LINGO2: variants seen among roughly 807,000 people sequenced by gnomAD.
LINGO2 encodes leucine rich repeat and Ig domain containing 2.
Under a neutral mutation model 30.6 loss-of-function variants are expected in LINGO2, and 14 were observed. The ratio of observed to expected loss-of-function variants is 0.46; its 90% CI spans 0.30 to 0.72. LINGO2 has a LOEUF of 0.72. Among genes scored for constraint, LINGO2 ranks in the 30% least tolerant of loss-of-function variants. LINGO2 has a pLI of 0.07. For synonymous variants in LINGO2, 317 were observed against 288.5 expected, an observed-to-expected ratio of 1.10 and a Z score of -1.00; for missense variants, 729 against 751.7, an observed-to-expected ratio of 0.97 and a Z score of 0.35.
intron 3 of LINGO2, among the ~76,000 whole-genome samples, chr9:28,311,216 G>T (rs746792446): frequency 3.3e-5 from 5 of 152,098 alleles, no homozygotes; most frequent in Non-Finnish European, 7.4e-5. Flanking sequence ...GGGTCACAGA[G>T]ATCACATGCT....
chr9:29,199,415 G>C, the LINGO2 span, among the ~76,000 whole-genome samples: 111,285 of 151,976 alleles, frequency 0.73, 41,052 homozygotes, highest in South Asian at 0.81. Context: ...AAAAGAAAGA[G>C]AATCCACCAA....
chr9:28,811,917 C>A, the LINGO2 span, among the ~76,000 whole-genome samples: 1 of 151,930 alleles, frequency 6.6e-6, no homozygotes, highest in Admixed American at 6.6e-5. Context: ...CCTTATTCAC[C>A]CCTAGAACAC....
intron 4 of LINGO2, among the ~76,000 whole-genome samples, chr9:28,232,085 T>C (rs1483856461): frequency 3.3e-5 from 5 of 152,046 alleles, no homozygotes; most frequent in Admixed American, 2.0e-4. Context: ...TTTTTACCCA[T>C]AGAACTTCCC....
intron 1 of LINGO2, among the ~76,000 whole-genome samples, chr9:28,569,954 A>T (rs1823592775): frequency 6.6e-6 from 1 of 151,968 alleles, no homozygotes; most frequent in Admixed American, 6.6e-5. Context: ...AAAGACATAA[A>T]TACAATAATA....
chr9:28,149,104 A>G (rs1278717868), intron 4 of LINGO2: 1 of 1,529,704 alleles, frequency 6.5e-7, no homozygotes, highest in Non-Finnish European at 8.8e-7. Flanking sequence ...AAAGAGAAGG[A>G]CGCCTCCAGC....
chr9:28,224,248 T>A (rs1821068434), intron 4 of LINGO2, among the ~76,000 whole-genome samples: 1 of 152,124 alleles, frequency 6.6e-6, no homozygotes, highest in Admixed American at 6.5e-5. Flanking sequence ...CTATTTTTAG[T>A]AGAGACGGGG....
chr9:28,025,560 T>C (rs1224374948), intron 4 of LINGO2, among the ~76,000 whole-genome samples: 1 of 152,204 alleles, frequency 6.6e-6, no homozygotes, highest in Non-Finnish European at 1.5e-5. Context: ...ACAAGCTTAT[T>C]ATCTGTATCA....
chr9:28,062,500 A>G (rs1400417438), intron 4 of LINGO2, among the ~76,000 whole-genome samples: 3 of 146,436 alleles, frequency 2.0e-5, no homozygotes, highest in Admixed American at 7.0e-5. Flanking sequence ...TATATACTAT[A>G]CATGTATATA....
At chr9:28,296,879 C>A (rs1414640011) in intron 3 of LINGO2, among the ~76,000 whole-genome samples, 2 of 152,180 alleles carry the variant, frequency 1.3e-5, no homozygotes, top group African/African-American at 2.4e-5. Context: ...CTTCTAGATG[C>A]AAACTGTTTT....
chr9:29,134,270 T>A, the LINGO2 span, among the ~76,000 whole-genome samples: 2 of 152,190 alleles, frequency 1.3e-5, no homozygotes, highest in Admixed American at 6.5e-5. Flanking sequence ...CAGGAGACAG[T>A]CAAATAAATA....
At chr9:29,176,400 G>A in the LINGO2 span, among the ~76,000 whole-genome samples, 11 of 152,272 alleles carry the variant, frequency 7.2e-5, no homozygotes, top group African/African-American at 2.6e-4. Flanking sequence ...CAGACACGTG[G>A]TAAGGACATG....
the LINGO2 span, among the ~76,000 whole-genome samples, chr9:29,014,526 GA>G: frequency 6.6e-6 from 1 of 151,654 alleles, no homozygotes. Flanking sequence ...GTGATTGAGA[GA>G]AAAAAAACTT....
chr9:28,179,545 T>TA (rs398010554), intron 4 of LINGO2, among the ~76,000 whole-genome samples: 7 of 133,452 alleles, frequency 5.2e-5, no homozygotes, highest in African/African-American at 1.9e-4. Flanking sequence ...TATAGTTTTT[T>TA]ACTATATATA....
At chr9:29,031,058 A>T in the LINGO2 span, among the ~76,000 whole-genome samples, 3 of 152,134 alleles carry the variant, frequency 2.0e-5, no homozygotes, top group Non-Finnish European at 4.4e-5. Context: ...CAAATCATTT[A>T]TTGATTTATT....
chr9:28,506,477 C>G lies in LINGO2; in HGVS notation c.-364-30452G>C, dbSNP rs370997339. Among the ~76,000 whole-genome samples the G allele has an allele frequency of 5.4e-3, 68 of 12,622 alleles. 1 individual carries two copies. The highest frequency in any genetic ancestry group is 7.8e-3 in the African/African-American group (52 of 6,644). 8.3% of individuals were successfully genotyped at this position (12,622 alleles called of 152,430 possible). On this transcript the variant is annotated intron_variant, in intron 1 of 5. Coordinates refer to ENST00000379992, the Ensembl canonical transcript of LINGO2. ...ACACATACACATACACACACACACA[C>G]ACATACACATACACACACACACACA...
At chr9:28,313,493 C>A (rs1183598906) in intron 3 of LINGO2, among the ~76,000 whole-genome samples, 3 of 152,098 alleles carry the variant, frequency 2.0e-5, no homozygotes, top group African/African-American at 7.2e-5. Flanking sequence ...GACTGTGCCC[C>A]TTTTTTAATC....
chr9:28,376,874 T>G (rs993472929), intron 2 of LINGO2, among the ~76,000 whole-genome samples: 2 of 152,048 alleles, frequency 1.3e-5, no homozygotes, highest in Non-Finnish European at 2.9e-5. Flanking sequence ...AAACGAAGAG[T>G]TGAAACAAAT....
At chr9:29,194,639 C>T in the LINGO2 span, among the ~76,000 whole-genome samples, 15 of 152,252 alleles carry the variant, frequency 9.9e-5, no homozygotes, top group African/African-American at 3.4e-4. Flanking sequence ...CACTTACCTC[C>T]ACCCCACTAA....
chr9:27,986,989 G>C (rs568489342), intron 5 of LINGO2, among the ~76,000 whole-genome samples: 1 of 151,448 alleles, frequency 6.6e-6, no homozygotes, highest in Non-Finnish European at 1.5e-5. Flanking sequence ...ATAAGGTGGG[G>C]AATAGTAATT....
Sources: gnomAD v4.1 joint callset for allele counts (sites outside exome capture counted in the v4.1 genomes callset) on GRCh38, gnomAD v4.1.1 for gene constraint, MANE v1.5 for transcripts, NCBI Gene and HGNC (gene_info 2026-07-23, HGNC 2026-07-21) for gene names.